Variants in TMEM132D observed in about 807,000 individuals in gnomAD.
TMEM132D encodes the protein mature OL transmembrane protein.
Under a neutral mutation model 62.3 loss-of-function variants are expected in TMEM132D, and 21 were observed. That is an observed-to-expected ratio of 0.34 (90% confidence interval 0.24 to 0.49). The LOEUF (loss-of-function observed/expected upper bound fraction) is 0.49. TMEM132D is among the 20% of genes least tolerant of loss of function. The pLI, the probability that TMEM132D is intolerant of heterozygous loss-of-function variation, is 0.99. For synonymous variants in TMEM132D, 621 were observed against 575.6 expected, an observed-to-expected ratio of 1.08 and a Z score of -1.13; for missense variants, 1,346 against 1,402.8, an observed-to-expected ratio of 0.96 and a Z score of 0.65.
intron 4 of TMEM132D, among the ~76,000 whole-genome samples, chr12:129,221,687 C>A (rs1238547011): frequency 6.6e-6 from 1 of 152,068 alleles, no homozygotes; most frequent in Non-Finnish European, 1.5e-5. Context: ...TTAAAAAAAC[C>A]TTTTCAATCA....
Position 129,361,236 on chromosome 12 carries a change from G to A in TMEM132D, c.1116-23419C>T, listed in dbSNP as rs553271169. On this transcript the variant is annotated intron_variant, in intron 3 of 8. Coordinates refer to ENST00000422113, the MANE Select transcript of TMEM132D (RefSeq NM_133448.3). ...AGGTGAGCTTGCATGGACAGCAGGG[G>A]AACTGGCAGGACTGATTAATGCTCA... Among the ~76,000 whole-genome samples, 11 of 152,334 alleles carry A rather than the reference G, an allele frequency of 7.2e-5. 1 individual carries two copies. In the South Asian group the frequency reaches 2.3e-3, roughly 32 times the overall value.
intron 2 of TMEM132D, among the ~76,000 whole-genome samples, chr12:129,674,613 G>A (rs138841110): frequency 6.6e-6 from 1 of 152,132 alleles, no homozygotes; most frequent in East Asian, 1.9e-4. Flanking sequence ...TATCTCGGCT[G>A]ACTGCAACCT....
intron 1 of TMEM132D, among the ~76,000 whole-genome samples, chr12:129,822,797 T>C (rs1872571786): frequency 6.6e-6 from 1 of 152,078 alleles, no homozygotes; most frequent in Admixed American, 6.5e-5. Flanking sequence ...ATGGGGAAAA[T>C]CACCCCCATG....
At chr12:129,504,412 A>G (rs1181924377) in intron 3 of TMEM132D, among the ~76,000 whole-genome samples, 2 of 152,016 alleles carry the variant, frequency 1.3e-5, no homozygotes, top group Non-Finnish European at 2.9e-5. Flanking sequence ...TTACCATTTC[A>G]ATCTTGCTGC....
chr12:129,797,009 C>T (rs1028346782), intron 1 of TMEM132D, among the ~76,000 whole-genome samples: 1 of 152,224 alleles, frequency 6.6e-6, no homozygotes, highest in African/African-American at 2.4e-5. Flanking sequence ...TTAACACCGG[C>T]TTGTTTTCTA....
At chr12:129,235,451 G>A (rs1879754911) in intron 4 of TMEM132D, among the ~76,000 whole-genome samples, 1 of 150,700 alleles carries the variant, frequency 6.6e-6, no homozygotes, top group Non-Finnish European at 1.5e-5. Flanking sequence ...ACATATATGT[G>A]TAATCAAATA....
chr12:129,246,064 C>T (rs530221547), intron 4 of TMEM132D, among the ~76,000 whole-genome samples: 4 of 152,120 alleles, frequency 2.6e-5, no homozygotes, highest in African/African-American at 9.6e-5. Context: ...GCCCACTTCA[C>T]AGCATCCACT....
chr12:129,643,455 G>A (rs1245360092), intron 2 of TMEM132D, among the ~76,000 whole-genome samples: 9 of 152,338 alleles, frequency 5.9e-5, no homozygotes, highest in South Asian at 4.1e-4. Context: ...CACAACAGCA[G>A]ATTTGCTGGC....
At chr12:129,405,810 T>C (rs1391188494) in intron 3 of TMEM132D, among the ~76,000 whole-genome samples, 1 of 152,120 alleles carries the variant, frequency 6.6e-6, no homozygotes, top group Non-Finnish European at 1.5e-5. Context: ...TTCATTACTA[T>C]AATATTTAGG....
intron 2 of TMEM132D, among the ~76,000 whole-genome samples, chr12:129,670,647 T>C (rs1202201269): frequency 6.6e-6 from 1 of 152,152 alleles, no homozygotes; most frequent in African/African-American, 2.4e-5. Flanking sequence ...ATCTGAGTAA[T>C]AATAAAACTC....
At chr12:129,212,314 T>C (rs1042866390) in intron 4 of TMEM132D, 31 of 152,338 alleles carry the variant, frequency 2.0e-4, no homozygotes, top group African/African-American at 7.2e-4. Context: ...GATCTCAGCG[T>C]GGCTGAGTGA....
intron 5 of TMEM132D, among the ~76,000 whole-genome samples, chr12:129,124,008 T>G (rs1295790533): frequency 6.6e-6 from 1 of 152,328 alleles, no homozygotes; most frequent in Admixed American, 6.5e-5. Context: ...CATAACTGTG[T>G]GAGCCAATTC....
At position 129,337,807 on chromosome 12, in the gene TMEM132D, C is replaced by T. The variant is rs769349159; in HGVS notation, c.1126G>A (p.Ala376Thr). ...AAGSENSADG[A>T]SYEVMQIDVE... ...TCGATCTGCATGACCTCGTAGGAGG[C>T]GCCATCCGCACTGGAGAGAAGACAC... The change falls in exon 4 of 9, where the codon GCC (alanine) becomes ACC (threonine). Residue 376 changes from alanine (A) to threonine (T), a missense_variant. Physicochemically the swap from Ala to Thr is moderately conservative, Grantham distance 58. Transcript: ENST00000422113. The T allele has an allele frequency of 2.5e-6, 4 of 1,608,992 alleles. No individual in the cohort carries two copies. Among genetic ancestry groups the T allele is most frequent in the Admixed American group, 1.7e-5 (1 of 59,528 alleles).
At chr12:129,816,682 G>A (rs78640970) in intron 1 of TMEM132D, among the ~76,000 whole-genome samples, 3,673 of 152,136 alleles carry the variant, frequency 0.024, 67 homozygotes, top group Non-Finnish European at 0.038. Context: ...AAGTCTTCCC[G>A]AGTCTTGGGG....
chr12:129,551,528 T>TA (rs1290824471), intron 2 of TMEM132D, among the ~76,000 whole-genome samples: 5 of 152,214 alleles, frequency 3.3e-5, no homozygotes, highest in South Asian at 2.1e-4. Context: ...ACATTTGCTT[T>TA]AAAAAAATCC....
intron 2 of TMEM132D, among the ~76,000 whole-genome samples, chr12:129,676,526 G>T (rs976125022): frequency 6.6e-6 from 1 of 152,178 alleles, no homozygotes. Flanking sequence ...CAAAGCTTTT[G>T]CTTACAGAGG....
chr12:129,899,412 T>TGGAC (rs1272972254), intron 1 of TMEM132D, among the ~76,000 whole-genome samples: 1 of 146,846 alleles, frequency 6.8e-6, no homozygotes, highest in Non-Finnish European at 1.5e-5. Context: ...GATGCATGGA[T>TGGAC]GGATGGATGG....
At chr12:129,636,543 C>T (rs1264688610) in intron 2 of TMEM132D, among the ~76,000 whole-genome samples, 1 of 152,116 alleles carries the variant, frequency 6.6e-6, no homozygotes, top group African/African-American at 2.4e-5. Context: ...TTGAAATCCC[C>T]TCAGTCAAGA....
chr12:129,737,868 A>G (rs1423648356), intron 1 of TMEM132D, among the ~76,000 whole-genome samples: 1 of 152,244 alleles, frequency 6.6e-6, no homozygotes, highest in Admixed American at 6.5e-5. Context: ...TTCTTGGGTG[A>G]AAATGAGCAC....
Sources: gnomAD v4.1 joint callset for allele counts (sites outside exome capture counted in the v4.1 genomes callset) on GRCh38, gnomAD v4.1.1 for gene constraint, MANE v1.5 for transcripts, NCBI Gene and HGNC (gene_info 2026-07-23, HGNC 2026-07-21) for gene names.